Variants in BBS9 observed in about 807,000 individuals in gnomAD.
The protein encoded by BBS9 is Bardet-Biedl syndrome 9.
Under a neutral mutation model 117.7 loss-of-function variants are expected in BBS9, and 89 were observed. That is an observed-to-expected ratio of 0.76 (90% confidence interval 0.64 to 0.90). The LOEUF (loss-of-function observed/expected upper bound fraction) is 0.90. BBS9 is among the 40% of genes least tolerant of loss of function. The probability of loss-of-function intolerance (pLI) is 0.00; values close to 1 mark genes in which losing one functional copy is unlikely to be tolerated. For synonymous variants in BBS9, 379 were observed against 370.9 expected (o/e 1.02, Z -0.25); for missense variants, 982 against 1,042.2 (o/e 0.94, Z 0.80).
chr7:33,543,269 AT>A (rs1429309770), intron 21 of BBS9, among the ~76,000 whole-genome samples: 1 of 147,426 alleles, frequency 6.8e-6, no homozygotes, highest in Non-Finnish European at 1.5e-5. Flanking sequence ...TTTTTTGAGA[AT>A]TGTCTATTCA....
At chr7:33,598,231 GA>G (rs11459733) in intron 21 of BBS9, among the ~76,000 whole-genome samples, 45,471 of 141,344 alleles carry the variant, frequency 0.32, 9,967 homozygotes, top group African/African-American at 0.63. Context: ...GAGTTTATGG[GA>G]AAAAAAAAAA....
intron 20 of BBS9, among the ~76,000 whole-genome samples, chr7:33,515,407 G>A (rs183432655): frequency 1.4e-4 from 21 of 152,148 alleles, no homozygotes; most frequent in Non-Finnish European, 2.6e-4. Context: ...GTACTATAAC[G>A]AGCATTGTTG....
chr7:33,568,808 A>G (rs1857314005), intron 21 of BBS9, among the ~76,000 whole-genome samples: 1 of 152,244 alleles, frequency 6.6e-6, no homozygotes, highest in South Asian at 2.1e-4. Context: ...ATAAGAAAAT[A>G]TATGTGTATG....
chr7:33,617,192 T>C lies in BBS9; in HGVS notation c.2522-17985T>C, dbSNP rs564107005. ...AATACACCAATTAAAAGATACATTG[T>C]CTTAATGAATCAAAAAACAAGACCC... is the stretch of plus-strand genomic sequence containing the variant. On this transcript the variant is annotated intron_variant, in intron 21 of 21. Transcript: ENST00000671952. Among the ~76,000 whole-genome samples, 5 of 152,184 alleles carry C rather than the reference T, an allele frequency of 3.3e-5. No homozygotes were observed. The South Asian group carries it at 1.0e-3, about 32-fold the overall frequency.
intron 21 of BBS9, among the ~76,000 whole-genome samples, chr7:33,617,313 A>G (rs566874521): frequency 2.0e-5 from 3 of 152,268 alleles, no homozygotes; most frequent in South Asian, 2.1e-4. Flanking sequence ...ACACTAATCA[A>G]AAGAAAGCAG....
intron 5 of BBS9, among the ~76,000 whole-genome samples, chr7:33,194,116 G>A (rs1320911606): frequency 6.6e-6 from 1 of 152,078 alleles, no homozygotes; most frequent in Non-Finnish European, 1.5e-5. Flanking sequence ...ATACCAAAAT[G>A]ATAAAACCTG....
chr7:33,484,569 C>A (rs1004917486), intron 19 of BBS9, among the ~76,000 whole-genome samples: 2 of 152,110 alleles, frequency 1.3e-5, no homozygotes, highest in African/African-American at 4.8e-5. Context: ...TAGAGAAATG[C>A]AAGTCAAAAC....
At chr7:33,594,918 A>C (rs911763882) in intron 21 of BBS9, among the ~76,000 whole-genome samples, 5 of 152,168 alleles carry the variant, frequency 3.3e-5, no homozygotes, top group Non-Finnish European at 7.3e-5. Context: ...CAACCATTTC[A>C]TCTTGGACAA....
intron 20 of BBS9, among the ~76,000 whole-genome samples, chr7:33,513,674 T>C (rs1029129958): frequency 7.2e-5 from 11 of 152,270 alleles, no homozygotes; most frequent in Middle Eastern, 3.4e-3. Flanking sequence ...CTAAAAGATA[T>C]AGATAGATTA....
rs186775120 is a variant in BBS9, at chr7:33,252,958, C to T, written c.443-4278C>T. On this transcript the variant is annotated intron_variant, in intron 5 of 22. Coordinates refer to ENST00000242067, the MANE Select transcript of BBS9 (RefSeq NM_198428.3). ...AGTTGTAAATATATATGTATTTATA[C>T]ACTTTTTTTGATGAACCATTTGAAA... Among the ~76,000 whole-genome samples the T allele has an allele frequency of 2.5e-4, 38 of 152,112 alleles. 1 individual carries two copies. The highest frequency in any genetic ancestry group is 8.7e-4 in the African/African-American group (36 of 41,506).
intron 21 of BBS9, among the ~76,000 whole-genome samples, chr7:33,583,916 T>A (rs1360892407): frequency 6.6e-6 from 1 of 152,162 alleles, no homozygotes; most frequent in Admixed American, 6.6e-5. Context: ...ATTATATATA[T>A]CTCATTTAGA....
At chr7:33,568,415 T>C (rs1195615526) in intron 21 of BBS9, among the ~76,000 whole-genome samples, 1 of 152,206 alleles carries the variant, frequency 6.6e-6, no homozygotes, top group Non-Finnish European at 1.5e-5. Context: ...CCCTATCGCT[T>C]ACCCCTATCA....
chr7:33,572,629 G>A lies in BBS9; in HGVS notation c.2522-32236G>A, dbSNP rs1023255276. Among the ~76,000 whole-genome samples, 44 of 152,088 alleles carry A rather than the reference G, an allele frequency of 2.9e-4. 1 individual carries two copies. Among genetic ancestry groups the A allele is most frequent in the Non-Finnish European group, 5.3e-4 (36 of 67,942 alleles). Reference sequence around the variant, plus strand: ...GTTACTTTTTCTCATTTTGATAAAAGCCATTTTAACTGGAGTGAGATGATG... The same window carrying A: ...GTTACTTTTTCTCATTTTGATAAAAACCATTTTAACTGGAGTGAGATGATG... On this transcript the variant is annotated intron_variant, in intron 21 of 22. Coordinates refer to ENST00000242067, the MANE Select transcript of BBS9 (RefSeq NM_198428.3).
intron 21 of BBS9, among the ~76,000 whole-genome samples, chr7:33,585,841 T>C (rs1334943713): frequency 6.6e-6 from 1 of 152,056 alleles, no homozygotes; most frequent in Non-Finnish European, 1.5e-5. Flanking sequence ...AATTTCTGCC[T>C]TCTGTGTTTC....
chr7:33,260,737 A>G (rs987958101), intron 6 of BBS9, among the ~76,000 whole-genome samples: 3 of 152,214 alleles, frequency 2.0e-5, no homozygotes, highest in Non-Finnish European at 4.4e-5. Context: ...TCCATTTGTC[A>G]TACAGGCTAT....
At chr7:33,351,642 A>AT (rs1428098412) in intron 14 of BBS9, among the ~76,000 whole-genome samples, 1 of 152,058 alleles carries the variant, frequency 6.6e-6, no homozygotes, top group Non-Finnish European at 1.5e-5. Context: ...TTGATGCAGG[A>AT]TTTTTGCTCC....
In BBS9 at chr7:33,282,640, G is replaced by A. The variant is rs1802125459; in HGVS notation, c.1016+8684G>A. 5.3e-5 allele frequency among the ~76,000 whole-genome samples: 8 copies of A among 152,138 alleles called. No individual in the cohort carries two copies. In the South Asian group the frequency reaches 1.7e-3, roughly 32 times the overall value. ...ACCCGCCTCGCCTCCCAAAGTGCTG[G>A]GATTATAGGCGTGAGCCACCGTGTG... On this transcript the variant is annotated intron_variant, in intron 9 of 22. Transcript: ENST00000242067.
At chr7:33,380,550 A>G (rs558012216) in intron 17 of BBS9, 2 of 152,394 alleles carry the variant, frequency 1.3e-5, no homozygotes, top group South Asian at 4.1e-4. Flanking sequence ...GTAGGCCTCT[A>G]TGGGGGACAC....
chr7:33,414,004 A>G (rs1427808393), intron 19 of BBS9, among the ~76,000 whole-genome samples: 2 of 152,162 alleles, frequency 1.3e-5, no homozygotes, highest in African/African-American at 2.4e-5. Context: ...AGCCTGGACA[A>G]TAAAAGCAAA....
Sources: gnomAD v4.1 joint callset for allele counts (sites outside exome capture counted in the v4.1 genomes callset) on GRCh38, gnomAD v4.1.1 for gene constraint, MANE v1.5 for transcripts, NCBI Gene and HGNC (gene_info 2026-07-23, HGNC 2026-07-21) for gene names.